FER: variants seen among roughly 807,000 people sequenced by gnomAD.
FER encodes the protein FER tyrosine kinase, also known as tyrosine-protein kinase Fer.
In FER, 63 loss-of-function variants were observed where a neutral mutation model predicts 111.0. The observed-to-expected ratio is 0.57, with a 90% CI of 0.46 to 0.70. The LOEUF is 0.70. Ranked by LOEUF, FER falls within the 30% of genes least tolerant of loss-of-function variation. The pLI is 0.00. For missense variants in FER, 914 were observed against 954.0 expected (o/e 0.96, Z 0.55); for synonymous variants, 327 against 313.9 (o/e 1.04, Z -0.44).
intron 17 of FER, among the ~76,000 whole-genome samples, chr5:109,125,722 C>G (rs887216554): frequency 2.0e-5 from 3 of 152,200 alleles, no homozygotes; most frequent in Non-Finnish European, 4.4e-5. Flanking sequence ...TTTTTTCTCT[C>G]TCTCTTCATA....
At chr5:108,819,000 G>C (rs1342820479) in intron 3 of FER, among the ~76,000 whole-genome samples, 1 of 151,896 alleles carries the variant, frequency 6.6e-6, no homozygotes, top group Non-Finnish European at 1.5e-5. Flanking sequence ...ATTCTCCTTA[G>C]TTTAACCTAG....
intron 16 of FER, among the ~76,000 whole-genome samples, chr5:109,096,316 C>T (rs1747504300): frequency 6.6e-6 from 1 of 152,014 alleles, no homozygotes; most frequent in African/African-American, 2.4e-5. Flanking sequence ...AAGTGACCTT[C>T]TGATACAGAT....
chr5:108,886,775 A>T (rs568705259), intron 9 of FER, among the ~76,000 whole-genome samples: 6 of 151,808 alleles, frequency 4.0e-5, no homozygotes, highest in Non-Finnish European at 7.4e-5. Context: ...CCATGGAGTT[A>T]TTATTGTTAG....
At chr5:108,919,261 A>G (rs1752690420) in intron 10 of FER, among the ~76,000 whole-genome samples, 1 of 148,396 alleles carries the variant, frequency 6.7e-6, no homozygotes, top group Admixed American at 6.7e-5. Flanking sequence ...CTAGTTGGTT[A>G]TTCTTGATTT....
intron 10 of FER, among the ~76,000 whole-genome samples, chr5:108,926,610 A>T (rs533883366): frequency 6.6e-6 from 1 of 152,208 alleles, no homozygotes; most frequent in Non-Finnish European, 1.5e-5. Flanking sequence ...TATCTTGGTT[A>T]TTAACTAATA....
chr5:109,049,978 A>T (rs1772546260), intron 16 of FER, among the ~76,000 whole-genome samples: 1 of 152,212 alleles, frequency 6.6e-6, no homozygotes, highest in Non-Finnish European at 1.5e-5. Context: ...ACAAGTTCTG[A>T]ATTACTGTGT....
intron 5 of FER, among the ~76,000 whole-genome samples, chr5:108,867,259 G>A (rs1275343580): frequency 1.3e-5 from 2 of 152,096 alleles, no homozygotes; most frequent in African/African-American, 2.4e-5. Flanking sequence ...GGGAAAAAAG[G>A]AAGGTGAGAG....
At chr5:108,942,120 T>A (rs1756355158) in intron 10 of FER, among the ~76,000 whole-genome samples, 1 of 152,154 alleles carries the variant, frequency 6.6e-6, no homozygotes, top group South Asian at 2.1e-4. Context: ...GTTTAGCCAT[T>A]TTGGTCACAC....
intron 12 of FER, among the ~76,000 whole-genome samples, chr5:108,958,569 G>A (rs565147143): frequency 2.2e-4 from 34 of 151,854 alleles, no homozygotes; most frequent in African/African-American, 5.8e-4. Flanking sequence ...ACCTTACCTG[G>A]TGATATGCAA....
chr5:108,994,449 A>G (rs1561738981), intron 13 of FER, among the ~76,000 whole-genome samples: 2 of 152,256 alleles, frequency 1.3e-5, no homozygotes, highest in Admixed American at 6.5e-5. Context: ...TGAGATCTCA[A>G]TTCTGTTCCA....
chr5:108,968,769 C>T (rs1350117655), intron 13 of FER, among the ~76,000 whole-genome samples: 1 of 151,908 alleles, frequency 6.6e-6, no homozygotes, highest in Non-Finnish European at 1.5e-5. Context: ...AATTAAAATA[C>T]TTGTTAATAT....
intron 16 of FER, among the ~76,000 whole-genome samples, chr5:109,055,709 C>G (rs1773534785): frequency 6.7e-6 from 1 of 149,878 alleles, no homozygotes; most frequent in African/African-American, 2.5e-5. Flanking sequence ...ATTATTTAAG[C>G]CAGGGAGGTT....
intron 16 of FER, among the ~76,000 whole-genome samples, chr5:109,054,921 A>T (rs1773430563): frequency 6.6e-6 from 1 of 151,856 alleles, no homozygotes; most frequent in Non-Finnish European, 1.5e-5. Context: ...CTATTTTTGG[A>T]CTCTGTTCTT....
chr5:108,999,813 G>A (rs1764487487), intron 13 of FER, among the ~76,000 whole-genome samples: 1 of 150,366 alleles, frequency 6.7e-6, no homozygotes, highest in Admixed American at 6.7e-5. Context: ...GTGTGTATTA[G>A]CTCTTCTGTT....
chr5:109,090,309 G>C (rs571672122), intron 16 of FER, among the ~76,000 whole-genome samples: 4 of 152,276 alleles, frequency 2.6e-5, no homozygotes, highest in Non-Finnish European at 4.4e-5. Flanking sequence ...CCCAAAAAGA[G>C]TTCAGAGATT....
intron 11 of FER, among the ~76,000 whole-genome samples, chr5:108,947,621 C>T (rs1025249095): frequency 2.0e-5 from 3 of 151,804 alleles, no homozygotes; most frequent in Non-Finnish European, 4.4e-5. Context: ...TGTTTTTTCT[C>T]ACCCTTCGGA....
intron 9 of FER, among the ~76,000 whole-genome samples, chr5:108,894,015 T>G (rs991210587): frequency 6.6e-6 from 1 of 151,000 alleles, no homozygotes; most frequent in Non-Finnish European, 1.5e-5. Context: ...ATTCCTGATG[T>G]GGGACAGATT....
chr5:108,849,736 C>T (rs1762369646), intron 5 of FER, among the ~76,000 whole-genome samples: 3 of 152,042 alleles, frequency 2.0e-5, no homozygotes. Context: ...TGATGAGATG[C>T]CATACATTGT....
chr5:109,136,879 C>T (rs1752950714), intron 17 of FER, among the ~76,000 whole-genome samples: 1 of 151,996 alleles, frequency 6.6e-6, no homozygotes, highest in South Asian at 2.1e-4. Flanking sequence ...AAGTAAATTC[C>T]CAACTCTGTG....
Sources: gnomAD v4.1 joint callset for allele counts (sites outside exome capture counted in the v4.1 genomes callset) on GRCh38, gnomAD v4.1.1 for gene constraint, MANE v1.5 for transcripts, NCBI Gene and HGNC (gene_info 2026-07-23, HGNC 2026-07-21) for gene names.